BMPR1B: variants seen among roughly 807,000 people sequenced by gnomAD.
BMPR1B encodes bone morphogenetic protein receptor type 1B.
In BMPR1B, 12 loss-of-function variants were observed where a neutral mutation model predicts 59.1. That is an observed-to-expected ratio of 0.20 (90% CI 0.13 to 0.33). The LOEUF (loss-of-function observed/expected upper bound fraction) is 0.33. BMPR1B is among the 10% of genes least tolerant of loss of function. The pLI, the probability that BMPR1B is intolerant of heterozygous loss-of-function variation, is 1.00. For missense variants in BMPR1B, 550 were observed against 610.9 expected, an observed-to-expected ratio of 0.90 and a Z score of 1.05; for synonymous variants, 237 against 207.3, an observed-to-expected ratio of 1.14 and a Z score of -1.23.
At chr4:95,000,479 C>T (rs1722364857) in intron 3 of BMPR1B, among the ~76,000 whole-genome samples, 1 of 151,622 alleles carries the variant, frequency 6.6e-6, no homozygotes, top group South Asian at 2.1e-4. Flanking sequence ...GCACTCCAGC[C>T]TGGCGACAGA....
At chr4:95,048,508 G>T (rs988105149) in intron 3 of BMPR1B, among the ~76,000 whole-genome samples, 1 of 152,158 alleles carries the variant, frequency 6.6e-6, no homozygotes, top group Admixed American at 6.6e-5. Context: ...ACTGGTGTAA[G>T]ATGGTATTTC....
intron 10 of BMPR1B, among the ~76,000 whole-genome samples, chr4:95,135,271 A>C (rs1002223759): frequency 6.6e-6 from 1 of 152,074 alleles, no homozygotes; most frequent in Non-Finnish European, 1.5e-5. Context: ...GTAGCCTTGT[A>C]GTATAGTTTG....
intron 1 of BMPR1B, among the ~76,000 whole-genome samples, chr4:94,871,632 G>C (rs893781202): frequency 6.6e-6 from 1 of 151,912 alleles, no homozygotes; most frequent in Non-Finnish European, 1.5e-5. Context: ...TAGTTATATT[G>C]TTCACTTACA....
chr4:94,990,976 C>CT (rs774458886), intron 2 of BMPR1B, among the ~76,000 whole-genome samples: 4 of 152,098 alleles, frequency 2.6e-5, no homozygotes, highest in Non-Finnish European at 4.4e-5. Flanking sequence ...GTAATAACTG[C>CT]TTTTTTGAAA....
intron 2 of BMPR1B, among the ~76,000 whole-genome samples, chr4:94,903,120 A>G (rs981693416): frequency 6.6e-6 from 1 of 152,064 alleles, no homozygotes; most frequent in African/African-American, 2.4e-5. Context: ...TATGCAAAAT[A>G]AAGTTATGGC....
intron 1 of BMPR1B, among the ~76,000 whole-genome samples, chr4:94,794,024 T>G (rs1410124997): frequency 1.9e-4 from 29 of 150,792 alleles, no homozygotes; most frequent in South Asian, 1.9e-3. Flanking sequence ...TTAGTTTAAT[T>G]AGATCCCATT....
intron 2 of BMPR1B, among the ~76,000 whole-genome samples, chr4:94,947,925 A>G (rs1223012953): frequency 1.3e-5 from 2 of 152,208 alleles, no homozygotes; most frequent in African/African-American, 4.8e-5. Context: ...TATTATGACT[A>G]CTGCTGCTGG....
intron 1 of BMPR1B, among the ~76,000 whole-genome samples, chr4:94,770,733 A>G (rs997879021): frequency 6.6e-6 from 1 of 151,994 alleles, no homozygotes; most frequent in Non-Finnish European, 1.5e-5. Flanking sequence ...TCCAGTAAAA[A>G]TTCATCGAAT....
At chr4:95,002,412 G>A (rs951662216) in intron 3 of BMPR1B, among the ~76,000 whole-genome samples, 18 of 152,124 alleles carry the variant, frequency 1.2e-4, no homozygotes, top group African/African-American at 1.7e-4. Flanking sequence ...CCATGTCTTT[G>A]CTATTGTGAA....
Position 95,058,840 on chromosome 4 carries a change from A to T in BMPR1B, c.-17-45568A>T, listed in dbSNP as rs552627948. Among the ~76,000 whole-genome samples, 284 of 152,328 alleles carry T rather than the reference A, an allele frequency of 1.9e-3. 1 individual carries two copies. The highest frequency in any genetic ancestry group is 8.5e-4 in the Non-Finnish European group (58 of 68,024). ...CACTATTTTTTTCAGATCTGAAGAAATTAATAAAAACTTGTTGCTTGCAGT... is the reference window on the plus strand; with the variant it reads ...CACTATTTTTTTCAGATCTGAAGAATTTAATAAAAACTTGTTGCTTGCAGT... On this transcript the variant is annotated intron_variant, in intron 3 of 12. Transcript: ENST00000515059.
At chr4:94,837,506 T>C (rs1724872080) in intron 1 of BMPR1B, among the ~76,000 whole-genome samples, 1 of 145,690 alleles carries the variant, frequency 6.9e-6, no homozygotes, top group African/African-American at 2.6e-5. Context: ...GGGTATTTTA[T>C]TGTCTTTGAA....
At chr4:95,001,265 T>G (rs1341709875) in intron 3 of BMPR1B, among the ~76,000 whole-genome samples, 2 of 152,184 alleles carry the variant, frequency 1.3e-5, no homozygotes, top group African/African-American at 4.8e-5. Flanking sequence ...TTGCTCTGTT[T>G]TTGTTCTTCA....
intron 3 of BMPR1B, among the ~76,000 whole-genome samples, chr4:95,083,423 A>G (rs1397836093): frequency 6.6e-6 from 1 of 152,202 alleles, no homozygotes; most frequent in African/African-American, 2.4e-5. Flanking sequence ...AGAAGCAAAA[A>G]AAAATTTACA....
intron 1 of BMPR1B, among the ~76,000 whole-genome samples, chr4:94,812,408 A>G (rs1331585913): frequency 2.0e-5 from 3 of 152,204 alleles, no homozygotes; most frequent in Admixed American, 1.3e-4. Flanking sequence ...TTGAAAGCTC[A>G]TGACTTGGTT....
At chr4:94,811,110 C>T (rs185431498) in intron 1 of BMPR1B, among the ~76,000 whole-genome samples, 5 of 152,292 alleles carry the variant, frequency 3.3e-5, no homozygotes, top group Admixed American at 2.6e-4. Flanking sequence ...TATCATGTTG[C>T]ATAGCAGGTG....
intron 1 of BMPR1B, among the ~76,000 whole-genome samples, chr4:94,788,961 TC>T (rs1722859305): frequency 6.6e-6 from 1 of 152,098 alleles, no homozygotes; most frequent in Non-Finnish European, 1.5e-5. Flanking sequence ...TATCCCAGCC[TC>T]CCCTGAGGTG....
chr4:94,909,490 C>T (rs1190478657), intron 2 of BMPR1B, among the ~76,000 whole-genome samples: 1 of 151,938 alleles, frequency 6.6e-6, no homozygotes, highest in Admixed American at 6.6e-5. Context: ...TAATGATGCC[C>T]ACTTTGTGGA....
intron 3 of BMPR1B, among the ~76,000 whole-genome samples, chr4:95,057,307 T>C (rs1039165054): frequency 2.6e-5 from 4 of 152,032 alleles, no homozygotes; most frequent in Non-Finnish European, 5.9e-5. Flanking sequence ...TGCAGTGGTG[T>C]GATCTTGGCT....
intron 6 of BMPR1B, among the ~76,000 whole-genome samples, chr4:95,120,697 C>T (rs1158264650): frequency 3.3e-5 from 4 of 122,020 alleles, no homozygotes; most frequent in African/African-American, 1.3e-4. Context: ...CTTTCTTTCT[C>T]TCTTTCTCTC....
Sources: allele counts gnomAD v4.1 joint callset (sites outside exome capture counted in the v4.1 genomes callset), GRCh38; gene constraint gnomAD v4.1.1; transcripts MANE v1.5; gene names NCBI Gene and HGNC (gene_info 2026-07-23, HGNC 2026-07-21).